The following ELMOD2 variants were observed in gnomAD, a reference collection of about 807,000 sequenced individuals.
ELMOD2 encodes ELMO domain-containing protein 2.
Under a neutral mutation model 41.0 loss-of-function variants are expected in ELMOD2, and 28 were observed. That is an observed-to-expected ratio of 0.68 (90% CI 0.51 to 0.94). The LOEUF is 0.94. ELMOD2 is among the 40% of genes least tolerant of loss of function. The pLI is 0.00. For missense variants in ELMOD2, 333 were observed against 343.1 expected (o/e 0.97, Z 0.23); for synonymous variants, 106 against 107.2 (o/e 0.99, Z 0.07).
intron 3 of ELMOD2, among the ~76,000 whole-genome samples, chr4:140,531,020 G>A (rs1734729923): frequency 6.6e-6 from 1 of 151,944 alleles, no homozygotes; most frequent in African/African-American, 2.4e-5. Flanking sequence ...CTAAGAGAAT[G>A]CCCAATACTT....
intron 6 of ELMOD2, chr4:140,542,317 C>G: frequency 8.4e-6 from 2 of 237,774 alleles, no homozygotes; most frequent in East Asian, 7.8e-5. Context: ...TTAAGGTAGT[C>G]TCTTTTTATA....
intron 8 of ELMOD2, among the ~76,000 whole-genome samples, chr4:140,543,990 C>G (rs1435947115): frequency 1.3e-5 from 2 of 152,016 alleles, no homozygotes; most frequent in Non-Finnish European, 2.9e-5. Context: ...TTTCGCCTCC[C>G]CCTGCCTTGA....
chr4:140,540,047 A>G, intron 5 of ELMOD2, 121 bp from the exon 6 acceptor site: 1 of 1,169,996 alleles, frequency 8.5e-7, no homozygotes, highest in Non-Finnish European at 1.2e-6. Context: ...ATAATTGAAA[A>G]ATGTTCTAAA....
intron 8 of ELMOD2, among the ~76,000 whole-genome samples, chr4:140,545,164 A>G (rs1735233104): frequency 6.6e-6 from 1 of 152,020 alleles, no homozygotes; most frequent in Non-Finnish European, 1.5e-5. Context: ...TACAATCGCC[A>G]TGTTTTTTCT....
intron 3 of ELMOD2, among the ~76,000 whole-genome samples, chr4:140,531,925 G>A (rs1734761216): frequency 6.6e-6 from 1 of 152,108 alleles, no homozygotes; most frequent in Admixed American, 6.5e-5. Flanking sequence ...CTAGTGAAGT[G>A]TTAAACATTT....
chr4:140,549,829 G>A (rs193193701), intron 8 of ELMOD2, among the ~76,000 whole-genome samples: 194 of 151,616 alleles, frequency 1.3e-3, no homozygotes, highest in African/African-American at 4.5e-3. Flanking sequence ...GGGACAATAG[G>A]CGCATGCCAC....
At chr4:140,545,105 T>A (rs1425883351) in intron 8 of ELMOD2, among the ~76,000 whole-genome samples, 1 of 152,182 alleles carries the variant, frequency 6.6e-6, no homozygotes, top group Non-Finnish European at 1.5e-5. Context: ...TCTCCATGAC[T>A]CTGCTCACAC....
chr4:140,545,575 TTAAATG>T (rs1735248598), intron 8 of ELMOD2, among the ~76,000 whole-genome samples: 1 of 152,166 alleles, frequency 6.6e-6, no homozygotes, highest in South Asian at 2.1e-4. Flanking sequence ...CAACATGTCT[TTAAATG>T]GAGGGAACAG....
chr4:140,544,380 A>G (rs925766195), intron 8 of ELMOD2, among the ~76,000 whole-genome samples: 34 of 152,150 alleles, frequency 2.2e-4, no homozygotes, highest in African/African-American at 7.7e-4. Flanking sequence ...CTGCATCTTA[A>G]CTTTCTCTTG....
chr4:140,527,523 G>C, intron 3 of ELMOD2, 29 bp downstream of exon 3: 1 of 1,537,532 alleles, frequency 6.5e-7, no homozygotes, highest in African/African-American at 1.4e-5. Context: ...GGTAACTCTA[G>C]AAAACTTAAC....
At chr4:140,542,452 A>G (rs926054403) in intron 6 of ELMOD2, 122 bp from the exon 7 acceptor site, 1 of 658,400 alleles carries the variant, frequency 1.5e-6, no homozygotes, top group African/African-American at 1.8e-5. Flanking sequence ...TTTGAGACAG[A>G]TATCAGGATA....
chr4:140,526,313 T>G (rs1216197473), intron 2 of ELMOD2, among the ~76,000 whole-genome samples: 1 of 152,236 alleles, frequency 6.6e-6, no homozygotes, highest in East Asian at 1.9e-4. Flanking sequence ...TTTTGGCTTG[T>G]GTTATATTTC....
chr4:140,553,571 A>C lies in ELMOD2; in HGVS notation c.*3196A>C, dbSNP rs531872683. 13 of 152,228 alleles carry C rather than the reference A, an allele frequency of 8.5e-5. No homozygotes were observed. Among genetic ancestry groups the C allele is most frequent in the African/African-American group, 3.1e-4 (13 of 41,560 alleles). 9.4% of individuals were successfully genotyped at this position (152,228 alleles called of 1,614,324 possible). A position where few individuals can be genotyped will look rare whatever the true frequency, so the allele number is the denominator to read the frequency against. On this transcript the variant is annotated 3_prime_UTR_variant, in exon 9 of 9. Coordinates refer to ENST00000323570, the MANE Select transcript of ELMOD2 (RefSeq NM_153702.4). ...GGTTAGACCCAACTACTACCTTACTATTATAGGACGATTCTATGTTTCTGT... is the reference window on the plus strand; with the variant it reads ...GGTTAGACCCAACTACTACCTTACTCTTATAGGACGATTCTATGTTTCTGT...
At chr4:140,534,955 C>T (rs1384733890) in intron 3 of ELMOD2, among the ~76,000 whole-genome samples, 1 of 152,094 alleles carries the variant, frequency 6.6e-6, no homozygotes, top group East Asian at 1.9e-4. Flanking sequence ...CTACCCATGG[C>T]GAAGGTAGTC....
chr4:140,553,748 A>G lies in ELMOD2; in HGVS notation c.*3373A>G, dbSNP rs1368684183. ...TTTTGTTTGGAATGTTAAGTGAGCA[A>G]ATAAAAAACATGTTGAAATTGTTGT... is the stretch of plus-strand genomic sequence containing the variant. On this transcript the variant is annotated 3_prime_UTR_variant, in exon 9 of 9. Coordinates refer to ENST00000323570, the MANE Select transcript of ELMOD2 (RefSeq NM_153702.4). 1 of 152,170 alleles carries G rather than the reference A, an allele frequency of 6.6e-6. No individual in the cohort carries two copies. Among genetic ancestry groups the G allele is most frequent in the Non-Finnish European group, 1.5e-5 (1 of 67,998 alleles). 9.4% of individuals were successfully genotyped at this position (152,170 alleles called of 1,614,324 possible).
rs1464517672 is a variant in ELMOD2 at position 140,541,302 on chromosome 4, T to G, written c.533+1001T>G. 3.3e-5 allele frequency among the ~76,000 whole-genome samples: 5 copies of G among 152,132 alleles called. No individual in the cohort carries two copies. The South Asian group carries it at 1.0e-3, about 31-fold the overall frequency. On this transcript the variant is annotated intron_variant, in intron 6 of 8. Transcript: ENST00000323570. ...TCTTACTGTGAAAAAATCCTGATATTGGCTAAATTAGGTTAATATTGATGG... is the reference window on the plus strand; with the variant it reads ...TCTTACTGTGAAAAAATCCTGATATGGGCTAAATTAGGTTAATATTGATGG...
intron 3 of ELMOD2, among the ~76,000 whole-genome samples, chr4:140,530,026 A>G (rs1285422120): frequency 2.0e-5 from 3 of 152,202 alleles, no homozygotes; most frequent in Non-Finnish European, 4.4e-5. Context: ...TATTGAGTGA[A>G]TGAATGAATA....
intron 1 of ELMOD2, 120 bp from the exon 2 acceptor site, chr4:140,525,300 A>G: frequency 2.7e-6 from 3 of 1,132,044 alleles, no homozygotes; most frequent in South Asian, 1.6e-5. Flanking sequence ...TAAACTGTCA[A>G]AACAGACACA....
Position 140,550,792 on chromosome 4 carries a change from T to TTTTC in ELMOD2, c.*420_*421insCTTT, listed in dbSNP as rs5862483. On this transcript the variant is annotated 3_prime_UTR_variant, in exon 9 of 9. Transcript: ENST00000323570. The stretch of plus-strand genomic sequence containing the variant: ...TTAGTTTGGAAATGGCTGTTTTTAA[T>TTTTC]TTTGTCTGATTTTTATTTCTAGGTT... 0.87 allele frequency: 131,743 copies of TTTTC among 152,092 alleles called. 58,131 individuals are homozygous for TTTTC. The highest frequency in any genetic ancestry group is 0.97 in the East Asian group (5,015 of 5,184). 9.4% of individuals were successfully genotyped at this position (152,092 alleles called of 1,614,324 possible).
Sources: allele counts gnomAD v4.1 joint callset (sites outside exome capture counted in the v4.1 genomes callset), GRCh38; gene constraint gnomAD v4.1.1; transcripts MANE v1.5; gene names NCBI Gene and HGNC (gene_info 2026-07-23, HGNC 2026-07-21).